The following FGGY variants were observed in gnomAD, a reference collection of about 807,000 sequenced individuals.
The protein encoded by FGGY is FGGY carbohydrate kinase domain-containing protein.
In FGGY, 72 loss-of-function variants were observed where a neutral mutation model predicts 71.3. The ratio of observed to expected loss-of-function variants is 1.01; its 90% confidence interval spans 0.84 to 1.23. The LOEUF (loss-of-function observed/expected upper bound fraction) is 1.23, where lower values mean the gene tolerates loss of function less well. Ranked by LOEUF, FGGY falls within the 50% of genes most tolerant of loss-of-function variation. The probability of loss-of-function intolerance (pLI) is 0.00; values close to 1 mark genes in which losing one functional copy is unlikely to be tolerated. For synonymous variants in FGGY, 251 were observed against 250.3 expected (o/e 1.00, Z -0.02); for missense variants, 668 against 682.3 (o/e 0.98, Z 0.23).
intron 6 of FGGY, 76 bp downstream of exon 6, chr1:59,457,152 T>A: frequency 9.1e-7 from 1 of 1,099,314 alleles, no homozygotes; most frequent in South Asian, 1.3e-5. Context: ...TTGTGGTTTG[T>A]ATGTTTCTTG....
At chr1:59,459,489 A>G (rs554593031) in intron 6 of FGGY, among the ~76,000 whole-genome samples, 1 of 152,214 alleles carries the variant, frequency 6.6e-6, no homozygotes, top group Non-Finnish European at 1.5e-5. Context: ...AAACTGTACA[A>G]GTTGACTTAA....
At chr1:59,665,037 T>C (rs893705887) in intron 12 of FGGY, among the ~76,000 whole-genome samples, 4 of 152,240 alleles carry the variant, frequency 2.6e-5, no homozygotes, top group Non-Finnish European at 5.9e-5. Flanking sequence ...TCAAAACTCA[T>C]GCTCTTAGCT....
At chr1:59,544,519 G>A (rs1487907181) in intron 7 of FGGY, among the ~76,000 whole-genome samples, 2 of 152,216 alleles carry the variant, frequency 1.3e-5, no homozygotes, top group East Asian at 1.9e-4. Flanking sequence ...GGAGAATGGT[G>A]GGGGAAAGGT....
intron 6 of FGGY, among the ~76,000 whole-genome samples, chr1:59,486,904 A>G (rs2093674078): frequency 1.3e-5 from 2 of 152,206 alleles, no homozygotes; most frequent in African/African-American, 4.8e-5. Context: ...AGTCTAACAC[A>G]TTAATTCCGG....
intron 1 of FGGY, among the ~76,000 whole-genome samples, chr1:59,303,070 A>G (rs1047917533): frequency 6.6e-6 from 1 of 152,232 alleles, no homozygotes; most frequent in African/African-American, 2.4e-5. Context: ...TACATTGTGA[A>G]ATGATTACCA....
At chr1:59,730,756 T>C (rs1270180676) in intron 14 of FGGY, among the ~76,000 whole-genome samples, 1 of 152,064 alleles carries the variant, frequency 6.6e-6, no homozygotes, top group East Asian at 1.9e-4. Context: ...GAGGTAGAGG[T>C]AAAGCATTGC....
chr1:59,445,795 G>T (rs2071099568), intron 5 of FGGY, among the ~76,000 whole-genome samples: 1 of 152,166 alleles, frequency 6.6e-6, no homozygotes, highest in Non-Finnish European at 1.5e-5. Flanking sequence ...CAAAATTACT[G>T]TACATTTTCA....
At chr1:59,664,662 T>C (rs886851750) in intron 12 of FGGY, among the ~76,000 whole-genome samples, 2 of 152,184 alleles carry the variant, frequency 1.3e-5, no homozygotes, top group Non-Finnish European at 2.9e-5. Context: ...AATATGCAGG[T>C]TTCACATTTG....
chr1:59,616,182 A>T (rs896340952), intron 9 of FGGY, among the ~76,000 whole-genome samples: 3 of 152,230 alleles, frequency 2.0e-5, no homozygotes, highest in Non-Finnish European at 4.4e-5. Flanking sequence ...AGACACATGC[A>T]CACGTATGTT....
chr1:59,502,069 C>T (rs1419025931), intron 6 of FGGY, among the ~76,000 whole-genome samples: 1 of 152,136 alleles, frequency 6.6e-6, no homozygotes, highest in Non-Finnish European at 1.5e-5. Flanking sequence ...AGAAAAATAA[C>T]ATTATTATAG....
chr1:59,433,649 T>C (rs2067835985), intron 5 of FGGY, among the ~76,000 whole-genome samples: 2 of 152,248 alleles, frequency 1.3e-5, no homozygotes, highest in African/African-American at 4.8e-5. Context: ...GGGGCTGCAT[T>C]CTGTTTCCTG....
intron 6 of FGGY, among the ~76,000 whole-genome samples, chr1:59,495,145 A>G (rs2093992529): frequency 1.3e-5 from 2 of 152,108 alleles, no homozygotes; most frequent in South Asian, 4.1e-4. Context: ...TTCTTTTGAA[A>G]AGTGTTCATG....
chr1:59,561,820 A>G (rs1397751915), intron 8 of FGGY, among the ~76,000 whole-genome samples: 3 of 152,146 alleles, frequency 2.0e-5, no homozygotes, highest in Non-Finnish European at 4.4e-5. Flanking sequence ...CCTCCCTTTC[A>G]GCTGTATAGC....
chr1:59,468,183 A>G lies in FGGY; in HGVS notation c.670+11107A>G, dbSNP rs578038445. Among the ~76,000 whole-genome samples the G allele has an allele frequency of 4.4e-4, 67 of 152,260 alleles. 1 individual carries two copies. Among genetic ancestry groups the G allele is most frequent in the African/African-American group, 1.6e-3 (66 of 41,546 alleles). ...CTCCCAAAGTGCTGGGATTATAGGC[A>G]TAAGTCACCGCGCCCGACTGGCTTC... On this transcript the variant is annotated intron_variant, in intron 6 of 15. Transcript: ENST00000303721.
intron 5 of FGGY, among the ~76,000 whole-genome samples, chr1:59,428,076 T>G (rs1279919173): frequency 6.6e-6 from 1 of 152,234 alleles, no homozygotes; most frequent in Non-Finnish European, 1.5e-5. Flanking sequence ...GCCAAGTGTG[T>G]GACAGTGGCA....
intron 10 of FGGY, among the ~76,000 whole-genome samples, chr1:59,630,121 A>G (rs2153863555): frequency 6.6e-6 from 1 of 152,196 alleles, no homozygotes; most frequent in Admixed American, 6.5e-5. Context: ...AAAGGAGGAA[A>G]AGCCCCTTAT....
At chr1:59,698,428 C>CACA (rs568070784) in intron 14 of FGGY, among the ~76,000 whole-genome samples, 89 of 151,802 alleles carry the variant, frequency 5.9e-4, no homozygotes, top group African/African-American at 2.1e-3. Context: ...GATGCTTCTT[C>CACA]ACACTCCCCT....
chr1:59,453,007 G>A (rs1427664643), intron 5 of FGGY, among the ~76,000 whole-genome samples: 2 of 152,208 alleles, frequency 1.3e-5, no homozygotes, highest in African/African-American at 4.8e-5. Flanking sequence ...TCCCGGAGGG[G>A]TAAGCCCTTT....
chr1:59,761,803 G>A (rs2098342860), intron 15 of FGGY, among the ~76,000 whole-genome samples: 1 of 152,154 alleles, frequency 6.6e-6, no homozygotes, highest in Admixed American at 6.5e-5. Context: ...GGTCACAAGG[G>A]AAACCTAGAT....
Sources: gnomAD v4.1 joint callset for allele counts (sites outside exome capture counted in the v4.1 genomes callset) on GRCh38, gnomAD v4.1.1 for gene constraint, MANE v1.5 for transcripts, NCBI Gene and HGNC (gene_info 2026-07-23, HGNC 2026-07-21) for gene names.